The following XNDC1N variants were observed in gnomAD, a reference collection of about 807,000 sequenced individuals.
XNDC1N encodes protein XNDC1N.
chr11:71,889,428 C>T, the XNDC1N span, among the ~76,000 whole-genome samples: 4 of 152,172 alleles, frequency 2.6e-5, no homozygotes, highest in Non-Finnish European at 4.4e-5. Flanking sequence ...GGCATCAGGG[C>T]TCCCTCAAGC....
chr11:71,919,622 T>G, the XNDC1N span, among the ~76,000 whole-genome samples: 8 of 35,880 alleles, frequency 2.2e-4, no homozygotes, highest in African/African-American at 6.0e-4. Flanking sequence ...TTTTTGTTTG[T>G]TTTTTTTTTT....
chr11:71,900,920 A>C, the XNDC1N span, among the ~76,000 whole-genome samples: 47 of 152,320 alleles, frequency 3.1e-4, no homozygotes, highest in Non-Finnish European at 6.3e-4. Context: ...GTCTAAGTCC[A>C]GACACATGGC....
At chr11:71,917,174 C>T in the XNDC1N span, 7 of 450,570 alleles carry the variant, frequency 1.6e-5, no homozygotes, top group Non-Finnish European at 2.4e-5. Flanking sequence ...CCACCATGCC[C>T]GGCTAATTTT....
At chr11:71,869,201 C>G in the XNDC1N span, among the ~76,000 whole-genome samples, 1 of 151,964 alleles carries the variant, frequency 6.6e-6, no homozygotes, top group African/African-American at 2.4e-5. Context: ...TCCCTCCCCG[C>G]TCCCACTACC....
the XNDC1N span, among the ~76,000 whole-genome samples, chr11:71,871,988 C>T: frequency 1.3e-5 from 2 of 152,036 alleles, no homozygotes; most frequent in Admixed American, 6.6e-5. Context: ...ATATATCATG[C>T]AATTTAATGA....
At chr11:71,927,563 C>CACAAT in the XNDC1N span, 1 of 150,052 alleles carries the variant, frequency 6.7e-6, no homozygotes, top group African/African-American at 2.4e-5. Context: ...CAAAATGAAA[C>CACAAT]ACAATACAAT....
the XNDC1N span, among the ~76,000 whole-genome samples, chr11:71,892,713 G>T: frequency 6.6e-6 from 1 of 151,970 alleles, no homozygotes; most frequent in Non-Finnish European, 1.5e-5. Context: ...TGGAGACGGG[G>T]TTTCACCAGG....
At chr11:71,927,627 G>C in the XNDC1N span, 1 of 152,230 alleles carries the variant, frequency 6.6e-6, no homozygotes, top group Non-Finnish European at 1.5e-5. Context: ...GAGAACACAA[G>C]CTAATTCTAA....
the XNDC1N span, among the ~76,000 whole-genome samples, chr11:71,899,582 G>A: frequency 6.6e-6 from 1 of 152,220 alleles, no homozygotes; most frequent in African/African-American, 2.4e-5. Context: ...GGGCTGCGCA[G>A]GACGTGCCTT....
the XNDC1N span, among the ~76,000 whole-genome samples, chr11:71,904,808 C>A: frequency 6.6e-6 from 1 of 151,958 alleles, no homozygotes; most frequent in Non-Finnish European, 1.5e-5. Flanking sequence ...ATGGTGTTCA[C>A]CCCATGTGAC....
the XNDC1N span, among the ~76,000 whole-genome samples, chr11:71,908,426 G>A: frequency 6.6e-6 from 1 of 151,850 alleles, no homozygotes; most frequent in Non-Finnish European, 1.5e-5. Context: ...TATTAAAATT[G>A]ATAATTATTA....
At chr11:71,907,395 C>A in the XNDC1N span, among the ~76,000 whole-genome samples, 1 of 151,472 alleles carries the variant, frequency 6.6e-6, no homozygotes, top group Non-Finnish European at 1.5e-5. Flanking sequence ...CTCTTGCCCC[C>A]CTGGCTCTTA....
the XNDC1N span, among the ~76,000 whole-genome samples, chr11:71,875,893 G>A: frequency 1.3e-5 from 2 of 152,250 alleles, no homozygotes; most frequent in Admixed American, 6.5e-5. Context: ...GGGTGTGGTG[G>A]CACACACCTG....
At chr11:71,891,982 CA>C in the XNDC1N span, among the ~76,000 whole-genome samples, 3 of 151,918 alleles carry the variant, frequency 2.0e-5, no homozygotes, top group Non-Finnish European at 4.4e-5. Context: ...GGAGGTGGTA[CA>C]CCCCCAGTGA....
At chr11:71,894,616 T>A in the XNDC1N span, among the ~76,000 whole-genome samples, 7,373 of 147,360 alleles carry the variant, frequency 0.05, 9 homozygotes, top group African/African-American at 0.11. Flanking sequence ...ACCTCATGAC[T>A]GAATCCTCTA....
the XNDC1N span, among the ~76,000 whole-genome samples, chr11:71,912,640 C>T: frequency 6.6e-6 from 1 of 152,174 alleles, no homozygotes; most frequent in Non-Finnish European, 1.5e-5. Context: ...ATATTATCCT[C>T]TCCCCTCACG....
chr11:71,890,244 C>T, the XNDC1N span, among the ~76,000 whole-genome samples: 1 of 152,190 alleles, frequency 6.6e-6, no homozygotes, highest in Non-Finnish European at 1.5e-5. Flanking sequence ...ACACCCACTG[C>T]TTTATTGGGA....
the XNDC1N span, among the ~76,000 whole-genome samples, chr11:71,881,623 C>A: frequency 6.6e-6 from 1 of 151,574 alleles, no homozygotes; most frequent in African/African-American, 2.4e-5. Flanking sequence ...CTCATTTTAG[C>A]TTTATCAGTC....
At chr11:71,888,894 C>T in the XNDC1N span, among the ~76,000 whole-genome samples, 22 of 152,310 alleles carry the variant, frequency 1.4e-4, no homozygotes, top group African/African-American at 5.3e-4. Flanking sequence ...TCAAAGAGCC[C>T]TGTCAAGCCT....
Sources: gnomAD v4.1 joint callset for allele counts (sites outside exome capture counted in the v4.1 genomes callset) on GRCh38, gnomAD v4.1.1 for gene constraint, MANE v1.5 for transcripts, NCBI Gene and HGNC (gene_info 2026-07-23, HGNC 2026-07-21) for gene names.